SHOC2: variants seen among roughly 807,000 people sequenced by gnomAD.
SHOC2 encodes leucine-rich repeat protein SHOC-2.
Under a neutral mutation model 50.2 loss-of-function variants are expected in SHOC2, and 4 were observed. The ratio of observed to expected loss-of-function variants is 0.08; its 90% confidence interval spans 0.04 to 0.18. The LOEUF (loss-of-function observed/expected upper bound fraction) is 0.18, where lower values mean the gene tolerates loss of function less well. SHOC2 is among the 10% of genes least tolerant of loss of function. The probability of loss-of-function intolerance (pLI) is 1.00; values close to 1 mark genes in which losing one functional copy is unlikely to be tolerated. For missense variants in SHOC2, 388 were observed against 669.6 expected (o/e 0.58, Z 4.64); for synonymous variants, 218 against 244.5 (o/e 0.89, Z 1.01).
chr10:110,945,973 G>T (rs1253503960), intron 1 of SHOC2, among the ~76,000 whole-genome samples: 1 of 151,942 alleles, frequency 6.6e-6, no homozygotes, highest in African/African-American at 2.4e-5. Context: ...ACATCTTGTG[G>T]GTTACCATCA....
Position 111,007,401 on chromosome 10 carries a change from T to G in SHOC2, c.1162-130T>G, listed in dbSNP as rs141174476. 218 of 1,053,962 alleles carry G rather than the reference T, an allele frequency of 2.1e-4. No homozygotes were observed. The African/African-American group carries it at 2.9e-3, about 14-fold the overall frequency. 65.3% of individuals were successfully genotyped at this position (1,053,962 alleles called of 1,614,324 possible). ...GTTTTCTGTTGCTGATTTTTTTTCT[T>G]TCTATATTTAAATATCAAAAAGGGG... On this transcript the variant is annotated intron_variant, in intron 5 of 8. Transcript: ENST00000369452.
chr10:110,983,537 T>G (rs1354080335), intron 2 of SHOC2, among the ~76,000 whole-genome samples: 2 of 152,176 alleles, frequency 1.3e-5, no homozygotes, highest in Non-Finnish European at 1.5e-5. Flanking sequence ...TAATTTATCA[T>G]TTTAGCCATT....
At chr10:110,926,309 T>C (rs1350670723) in intron 1 of SHOC2, among the ~76,000 whole-genome samples, 2 of 152,176 alleles carry the variant, frequency 1.3e-5, no homozygotes, top group Non-Finnish European at 2.9e-5. Context: ...AGGTTCCAAG[T>C]GGAAAATTAG....
chr10:110,929,372 C>T (rs973282952), intron 1 of SHOC2, among the ~76,000 whole-genome samples: 3 of 152,094 alleles, frequency 2.0e-5, no homozygotes, highest in Non-Finnish European at 2.9e-5. Flanking sequence ...CAAATTACTA[C>T]GTGATTTACA....
At chr10:110,969,773 A>G (rs577972907) in intron 2 of SHOC2, among the ~76,000 whole-genome samples, 1 of 152,290 alleles carries the variant, frequency 6.6e-6, no homozygotes, top group South Asian at 2.1e-4. Flanking sequence ...ATGTGGGTCT[A>G]GTTGTCAAAA....
rs552350104 is a variant in SHOC2, at chr10:110,934,649, C to G, written c.-235+14992C>G. 1.2e-3 allele frequency among the ~76,000 whole-genome samples: 183 copies of G among 152,154 alleles called. 1 individual carries two copies. The highest frequency in any genetic ancestry group is 1.3e-3 in the Non-Finnish European group (89 of 67,972). ...TAGTGTTGTCTCCTAAGATATATTC[C>G]TTTTATATCTTACATGGTGACAACA... On this transcript the variant is annotated intron_variant, in intron 1 of 8. Transcript: ENST00000369452.
intron 2 of SHOC2, among the ~76,000 whole-genome samples, chr10:110,978,264 A>G (rs571621051): frequency 8.5e-5 from 13 of 152,304 alleles, no homozygotes; most frequent in African/African-American, 2.6e-4. Flanking sequence ...TTCTAGTTGC[A>G]TCATGGTGGT....
chr10:111,009,534 G>T, intron 7 of SHOC2, 149 bp downstream of exon 7: 3 of 850,048 alleles, frequency 3.5e-6, no homozygotes, highest in Admixed American at 4.8e-5. Flanking sequence ...ATATAACCTG[G>T]CTTTGTTTTC....
chr10:110,966,435 A>G (rs1000818479), intron 2 of SHOC2, among the ~76,000 whole-genome samples: 1 of 152,098 alleles, frequency 6.6e-6, no homozygotes, highest in African/African-American at 2.4e-5. Flanking sequence ...TCATTGTGGA[A>G]TAGAATTATA....
intron 3 of SHOC2, among the ~76,000 whole-genome samples, chr10:110,991,196 T>A (rs983074504): frequency 6.6e-6 from 1 of 152,230 alleles, no homozygotes; most frequent in Non-Finnish European, 1.5e-5. Flanking sequence ...ATTAAAGTAC[T>A]GAAATGAATA....
At chr10:110,979,712 C>G (rs1847938574) in intron 2 of SHOC2, among the ~76,000 whole-genome samples, 1 of 152,178 alleles carries the variant, frequency 6.6e-6, no homozygotes, top group African/African-American at 2.4e-5. Flanking sequence ...TCTTTTTCCC[C>G]CATAGTTAGC....
intron 3 of SHOC2, among the ~76,000 whole-genome samples, chr10:110,988,069 C>T (rs972639871): frequency 1.3e-5 from 2 of 151,766 alleles, no homozygotes; most frequent in African/African-American, 2.4e-5. Flanking sequence ...GATAAAAACC[C>T]GGATAATAAG....
chr10:110,991,041 C>T (rs1374969368), intron 3 of SHOC2, among the ~76,000 whole-genome samples: 1 of 152,190 alleles, frequency 6.6e-6, no homozygotes, highest in Non-Finnish European at 1.5e-5. Context: ...CCTGCTCCTT[C>T]AACTGATCAG....
intron 8 of SHOC2, among the ~76,000 whole-genome samples, chr10:111,011,257 A>G (rs1437506965): frequency 2.0e-5 from 3 of 152,210 alleles, no homozygotes; most frequent in Non-Finnish European, 4.4e-5. Context: ...TTTAAAATAT[A>G]TATAAGTAAA....
intron 1 of SHOC2, among the ~76,000 whole-genome samples, chr10:110,932,979 T>C (rs1337728016): frequency 6.6e-6 from 1 of 152,230 alleles, no homozygotes. Flanking sequence ...GTGAGTCATA[T>C]CATTCCATGT....
intron 2 of SHOC2, among the ~76,000 whole-genome samples, chr10:110,971,083 G>A (rs972798017): frequency 1.3e-5 from 2 of 151,898 alleles, no homozygotes; most frequent in Non-Finnish European, 2.9e-5. Context: ...TTTTGCTTGG[G>A]TTTGCCCTAC....
chr10:110,976,801 A>C (rs918940738), intron 2 of SHOC2, among the ~76,000 whole-genome samples: 2 of 152,006 alleles, frequency 1.3e-5, no homozygotes, highest in Non-Finnish European at 2.9e-5. Context: ...TATGGTTTTC[A>C]TCAAAATTAG....
At chr10:110,944,829 T>C (rs1218457990) in intron 1 of SHOC2, among the ~76,000 whole-genome samples, 1 of 152,232 alleles carries the variant, frequency 6.6e-6, no homozygotes, top group African/African-American at 2.4e-5. Context: ...TTTCTTTACA[T>C]GCCTGGAACC....
intron 5 of SHOC2, among the ~76,000 whole-genome samples, chr10:111,005,884 A>G (rs1848457285): frequency 6.6e-6 from 1 of 152,210 alleles, no homozygotes; most frequent in Non-Finnish European, 1.5e-5. Flanking sequence ...TAAATGTACA[A>G]TTTTTAAATT....
Sources: allele counts gnomAD v4.1 joint callset (sites outside exome capture counted in the v4.1 genomes callset), GRCh38; gene constraint gnomAD v4.1.1; transcripts MANE v1.5; gene names NCBI Gene and HGNC (gene_info 2026-07-23, HGNC 2026-07-21).